The following WNT3A variants were observed in gnomAD, a reference collection of about 807,000 sequenced individuals.
WNT3A encodes Wnt family member 3A, also known as protein Wnt-3a.
A neutral mutation model predicts 37.0 loss-of-function variants in WNT3A; 17 were observed. That is an observed-to-expected ratio of 0.46 (90% confidence interval 0.31 to 0.69). The LOEUF is 0.69. WNT3A is among the 30% of genes least tolerant of loss of function. WNT3A has a pLI of 0.05. For synonymous variants in WNT3A, 187 were observed against 211.0 expected, an observed-to-expected ratio of 0.89 and a Z score of 0.99; for missense variants, 411 against 510.2, an observed-to-expected ratio of 0.81 and a Z score of 1.87.
chr1:228,048,525 A>G (rs2031475947), intron 2 of WNT3A, among the ~76,000 whole-genome samples: 1 of 152,146 alleles, frequency 6.6e-6, no homozygotes, highest in Non-Finnish European at 1.5e-5. Flanking sequence ...TCTGTTCCTC[A>G]CCTGTGTCAG....
Position 228,050,637 on chromosome 1 carries a change from A to G in WNT3A, c.314-19A>G, listed in dbSNP as rs760949821. The G allele has an allele frequency of 6.3e-6, 10 of 1,574,936 alleles. 1 individual carries two copies. The South Asian group carries it at 1.2e-4, about 18-fold the overall frequency. On this transcript the variant is annotated intron_variant, in intron 2 of 3. Coordinates refer to ENST00000284523, the MANE Select transcript of WNT3A (RefSeq NM_033131.4). This position sits in a 1 kb window ranked among gnomAD's most constrained non-coding sequence, Gnocchi z 5.0. ...TTGAGCTGAGCCCTGTTAACCCTGC[A>G]TCTCTCCTCTCTCTACAGCTACCAG... is the stretch of plus-strand genomic sequence containing the variant.
At chr1:228,027,721 G>C (rs2030887364) in intron 2 of WNT3A, among the ~76,000 whole-genome samples, 1 of 152,166 alleles carries the variant, frequency 6.6e-6, no homozygotes, top group Non-Finnish European at 1.5e-5. Context: ...CACTCTGTGG[G>C]TTGTCTGTTT....
At chr1:228,054,303 A>G (rs1196004891) in intron 3 of WNT3A, among the ~76,000 whole-genome samples, 2 of 152,212 alleles carry the variant, frequency 1.3e-5, no homozygotes, top group South Asian at 2.1e-4. Flanking sequence ...CTCTAAGCCT[A>G]TAAATGTTTC....
In WNT3A at chr1:228,026,472, C is replaced by A. The variant is rs983565443; in HGVS notation, c.313+3564C>A. Among the ~76,000 whole-genome samples, 24 of 152,064 alleles carry A rather than the reference C, an allele frequency of 1.6e-4. 1 individual carries two copies. Among genetic ancestry groups the A allele is most frequent in the Non-Finnish European group, 3.5e-4 (24 of 68,012 alleles). ...CTTTTTATTTATTTATTTTTAATTT[C>A]TATTTCAATAACTTTTGGGATACAA... On this transcript the variant is annotated intron_variant, in intron 2 of 3. Transcript: ENST00000284523.
chr1:228,022,569 C>T, intron 1 of WNT3A, 98 bp from the exon 2 acceptor site: 1 of 1,428,644 alleles, frequency 7.0e-7, no homozygotes, highest in Non-Finnish European at 9.3e-7. Flanking sequence ...GTCTCGCCCC[C>T]CGAATGCACT....
intron 1 of WNT3A, among the ~76,000 whole-genome samples, chr1:228,021,380 G>A (rs957123629): frequency 6.6e-6 from 1 of 152,180 alleles, no homozygotes; most frequent in Non-Finnish European, 1.5e-5. Context: ...CCTGGAAAAC[G>A]AGGAGTGAGG....
chr1:228,051,642 C>T (rs1242695007), intron 3 of WNT3A, among the ~76,000 whole-genome samples: 8 of 152,058 alleles, frequency 5.3e-5, no homozygotes, highest in Non-Finnish European at 1.0e-4. Context: ...GGGTGTGGAT[C>T]GCTCTGGGGT....
Position 228,060,381 on chromosome 1 carries a change from G to A in WNT3A, c.*916G>A. Reference sequence around the variant, plus strand: ...AGCGCCTGGCTTTGGAATGCTCCAGGCGCGCCGACGCCTGTGCCACCCCTT... The same window carrying A: ...AGCGCCTGGCTTTGGAATGCTCCAGACGCGCCGACGCCTGTGCCACCCCTT... On this transcript the variant is annotated 3_prime_UTR_variant, in exon 4 of 4. Transcript: ENST00000284523. 8.9e-7 allele frequency: 1 copy of A among 1,121,378 alleles called. No homozygotes were observed. Among genetic ancestry groups the A allele is most frequent in the Non-Finnish European group, 1.2e-6 (1 of 827,404 alleles). The allele number at this position is 1,121,378 out of a possible 1,614,324, so 69.5% of individuals were successfully genotyped here. A position where few individuals can be genotyped will look rare whatever the true frequency, so the allele number is the denominator to read the frequency against.
At chr1:228,034,886 C>T (rs112334169) in intron 2 of WNT3A, among the ~76,000 whole-genome samples, 1 of 152,176 alleles carries the variant, frequency 6.6e-6, no homozygotes, top group Non-Finnish European at 1.5e-5. Context: ...GTATGGCACA[C>T]TCCAGGAAGA....
intron 3 of WNT3A, among the ~76,000 whole-genome samples, chr1:228,055,158 CAAAAAAAAAA>C (rs34263332): frequency 2.5e-4 from 4 of 15,768 alleles, no homozygotes; most frequent in East Asian, 4.5e-3. Context: ...AACTCCGTCC[CAAAAAAAAAA>C]AAAAAAAAAA....
rs976514472 is a variant in WNT3A, at chr1:228,038,274, C to T, written c.314-12382C>T. On this transcript the variant is annotated intron_variant, in intron 2 of 3. Transcript: ENST00000284523. This position sits in a 1 kb window ranked among gnomAD's most constrained non-coding sequence, Gnocchi z 5.7. ...CCCCCGAGGGGAGGCGCCCGGGCGT[C>T]GGCTCCGGCGGGCTCCGGCGGGGAC... Among the ~76,000 whole-genome samples the T allele has an allele frequency of 1.3e-5, 2 of 152,042 alleles. No individual in the cohort carries two copies. Among genetic ancestry groups the T allele is most frequent in the African/African-American group, 4.8e-5 (2 of 41,424 alleles).
chr1:228,058,856 C>A, intron 3 of WNT3A, 130 bp from the exon 4 acceptor site: 1 of 954,822 alleles, frequency 1.0e-6, no homozygotes, highest in Non-Finnish European at 1.5e-6. Flanking sequence ...TGGGGCCCTG[C>A]CTGGGAGTCT....
chr1:228,025,721 C>T (rs911267600), intron 2 of WNT3A, among the ~76,000 whole-genome samples: 2 of 151,872 alleles, frequency 1.3e-5, no homozygotes, highest in African/African-American at 4.8e-5. Context: ...TTAATGTATT[C>T]CTAAGTACTA....
rs984049226 is a variant in WNT3A, at chr1:228,018,987, C to T, written c.72-3680C>T. On this transcript the variant is annotated intron_variant, in intron 1 of 3. Coordinates refer to ENST00000284523, the MANE Select transcript of WNT3A (RefSeq NM_033131.4). ...TCCTGACCCCAAATCCACAAGGGCC[C>T]GTCAAGGGAGGGGTCCCATCAGGGC... 5.9e-5 allele frequency among the ~76,000 whole-genome samples: 9 copies of T among 152,220 alleles called. No individual in the cohort carries two copies. In the South Asian group the frequency reaches 8.3e-4, roughly 14 times the overall value.
Position 228,039,016 on chromosome 1 carries a change from C to G in WNT3A, c.314-11640C>G, listed in dbSNP as rs1289786573. ...CTGGGCAGTGGGCAATGTTGGGAGT[C>G]TGGGCCCCCAGCACCCGGCTGGACT... On this transcript the variant is annotated intron_variant, in intron 2 of 3. Coordinates refer to ENST00000284523, the MANE Select transcript of WNT3A (RefSeq NM_033131.4). The surrounding 1 kb of genome is among the most constrained non-coding windows in gnomAD (Gnocchi z 4.1). 1.3e-5 allele frequency among the ~76,000 whole-genome samples: 2 copies of G among 152,114 alleles called. No homozygotes were observed. Among genetic ancestry groups the G allele is most frequent in the African/African-American group, 2.4e-5 (1 of 41,418 alleles).
chr1:228,013,631 G>A (rs966667507), intron 1 of WNT3A, among the ~76,000 whole-genome samples: 1 of 152,196 alleles, frequency 6.6e-6, no homozygotes, highest in African/African-American at 2.4e-5. Flanking sequence ...GGACCTGGGG[G>A]CCTTAAGTCC....
intron 2 of WNT3A, among the ~76,000 whole-genome samples, chr1:228,033,684 T>C (rs1428096510): frequency 6.6e-6 from 1 of 152,222 alleles, no homozygotes; most frequent in Non-Finnish European, 1.5e-5. Flanking sequence ...GATTAGCTCA[T>C]CAATTTCTGC....
At chr1:228,057,432 G>A (rs780365430) in intron 3 of WNT3A, among the ~76,000 whole-genome samples, 10 of 152,334 alleles carry the variant, frequency 6.6e-5, no homozygotes, top group Middle Eastern at 6.8e-3. Context: ...CAGAATTCCT[G>A]TTTATCTAAA....
chr1:228,024,417 G>A (rs2030804549), intron 2 of WNT3A, among the ~76,000 whole-genome samples: 1 of 152,226 alleles, frequency 6.6e-6, no homozygotes, highest in Non-Finnish European at 1.5e-5. Context: ...TCTGATGACC[G>A]ATGATGCCAA....
Sources: allele counts gnomAD v4.1 joint callset (sites outside exome capture counted in the v4.1 genomes callset), GRCh38; gene constraint gnomAD v4.1.1; non-coding constraint Gnocchi (gnomAD v3.1); transcripts MANE v1.5; gene names NCBI Gene and HGNC (gene_info 2026-07-23, HGNC 2026-07-21).